FAM227B: variants seen among roughly 807,000 people sequenced by gnomAD.
FAM227B encodes the protein family with sequence similarity 227 member B.
In FAM227B, 88 loss-of-function variants were observed where a neutral mutation model predicts 73.8. The ratio of observed to expected loss-of-function variants is 1.19; its 90% CI spans 1.00 to 1.42. The LOEUF (loss-of-function observed/expected upper bound fraction) is 1.42. Ranked by LOEUF, FAM227B falls within the 40% of genes most tolerant of loss-of-function variation. The probability of loss-of-function intolerance (pLI) is 0.00; values close to 1 mark genes in which losing one functional copy is unlikely to be tolerated. For synonymous variants in FAM227B, 210 were observed against 190.5 expected (o/e 1.10, Z -0.84); for missense variants, 632 against 590.9 (o/e 1.07, Z -0.72).
intron 11 of FAM227B, among the ~76,000 whole-genome samples, chr15:49,415,251 G>T (rs1409182357): frequency 6.6e-6 from 1 of 152,022 alleles, no homozygotes; most frequent in Non-Finnish European, 1.5e-5. Flanking sequence ...ACCAAATAAT[G>T]ACAATTTAGA....
intron 10 of FAM227B, among the ~76,000 whole-genome samples, chr15:49,536,660 T>C (rs571383976): frequency 3.3e-5 from 5 of 152,052 alleles, no homozygotes; most frequent in Admixed American, 2.6e-4. Flanking sequence ...TTTAAAATTA[T>C]ATTAAAAAGC....
chr15:49,457,755 T>C (rs1222032583), intron 11 of FAM227B, among the ~76,000 whole-genome samples: 1 of 151,958 alleles, frequency 6.6e-6, no homozygotes, highest in African/African-American at 2.4e-5. Context: ...TTATTTAGTA[T>C]ATTTAAAATT....
At chr15:49,550,394 CTCCCTCCCGGACGGG>C (rs1185123682) in intron 9 of FAM227B, among the ~76,000 whole-genome samples, 2 of 151,610 alleles carry the variant, frequency 1.3e-5, no homozygotes, top group Non-Finnish European at 2.9e-5. Flanking sequence ...TGACCCCCAC[CTCCCTCCCGGACGGG>C]GTGGCTGCTG....
chr15:49,486,269 T>C (rs2056394351), intron 11 of FAM227B: 1 of 152,056 alleles, frequency 6.6e-6, no homozygotes, highest in South Asian at 2.1e-4. Flanking sequence ...GGTTGACCTA[T>C]ACGACCAGGA....
At chr15:49,502,422 G>A (rs1487719619) in intron 11 of FAM227B, among the ~76,000 whole-genome samples, 1 of 152,254 alleles carries the variant, frequency 6.6e-6, no homozygotes, top group Non-Finnish European at 1.5e-5. Context: ...GGGACATAAA[G>A]TCAAAGGAGG....
intron 3 of FAM227B, among the ~76,000 whole-genome samples, chr15:49,600,597 G>C (rs1207023031): frequency 6.7e-6 from 1 of 150,316 alleles, no homozygotes; most frequent in Non-Finnish European, 1.5e-5. Context: ...AGAGGTTGCA[G>C]TGAGCTGAGA....
chr15:49,513,426 T>A (rs1246353748), intron 10 of FAM227B, among the ~76,000 whole-genome samples: 2 of 152,226 alleles, frequency 1.3e-5, no homozygotes, highest in African/African-American at 4.8e-5. Context: ...TCTCTTCATA[T>A]CCTCTGCCCA....
intron 10 of FAM227B, among the ~76,000 whole-genome samples, chr15:49,527,406 C>T (rs1156623941): frequency 6.6e-6 from 1 of 151,908 alleles, no homozygotes; most frequent in East Asian, 1.9e-4. Flanking sequence ...CAACATCATA[C>T]TAAATGGGAA....
At chr15:49,352,093 C>A (rs1215221404) in intron 13 of FAM227B, among the ~76,000 whole-genome samples, 1 of 152,146 alleles carries the variant, frequency 6.6e-6, no homozygotes, top group East Asian at 1.9e-4. Context: ...CTGATACTTG[C>A]TGTGGCTCAT....
intron 11 of FAM227B, chr15:49,424,396 T>C (rs1490219949): frequency 1.2e-6 from 2 of 1,613,592 alleles, no homozygotes; most frequent in African/African-American, 1.3e-5. Context: ...TAGCTTGCAA[T>C]GACATGACTC....
At chr15:49,417,964 C>G (rs546712867) in intron 11 of FAM227B, among the ~76,000 whole-genome samples, 1 of 152,202 alleles carries the variant, frequency 6.6e-6, no homozygotes, top group South Asian at 2.1e-4. Flanking sequence ...GGAGCTTAAA[C>G]AAATTTATAA....
At chr15:49,375,438 G>A (rs557302835) in intron 11 of FAM227B, among the ~76,000 whole-genome samples, 1 of 151,884 alleles carries the variant, frequency 6.6e-6, no homozygotes, top group Non-Finnish European at 1.5e-5. Context: ...GTATCTCTAA[G>A]GACCAAATCA....
intron 3 of FAM227B, among the ~76,000 whole-genome samples, chr15:49,592,344 A>T (rs8025420): frequency 6.6e-6 from 1 of 151,972 alleles, no homozygotes; most frequent in Non-Finnish European, 1.5e-5. Flanking sequence ...CTACAGAAGA[A>T]GTTTTGGTGT....
At chr15:49,479,776 G>A (rs1164435191) in intron 11 of FAM227B, among the ~76,000 whole-genome samples, 1 of 151,780 alleles carries the variant, frequency 6.6e-6, no homozygotes, top group African/African-American at 2.4e-5. Flanking sequence ...ATCATGCCTG[G>A]CTAATTTTTG....
intron 9 of FAM227B, among the ~76,000 whole-genome samples, chr15:49,561,155 TAAA>T (rs1179125895): frequency 6.6e-6 from 1 of 152,054 alleles, no homozygotes; most frequent in Non-Finnish European, 1.5e-5. Context: ...TAATGACACC[TAAA>T]GTCTCAGGGT....
intron 11 of FAM227B, among the ~76,000 whole-genome samples, chr15:49,445,098 C>A (rs945365749): frequency 6.6e-6 from 1 of 151,506 alleles, no homozygotes; most frequent in Admixed American, 6.6e-5. Context: ...ACTAAAATTT[C>A]ATAATTTAAA....
At chr15:49,519,621 T>A (rs556001003) in intron 10 of FAM227B, among the ~76,000 whole-genome samples, 1 of 151,544 alleles carries the variant, frequency 6.6e-6, no homozygotes, top group East Asian at 2.0e-4. Context: ...GTATTTTGGC[T>A]CCATTTCATC....
chr15:49,470,948 C>T (rs192716158), intron 11 of FAM227B, among the ~76,000 whole-genome samples: 21 of 152,316 alleles, frequency 1.4e-4, no homozygotes, highest in African/African-American at 5.1e-4. Context: ...TGCAGCCCAC[C>T]TGGAACATAT....
intron 9 of FAM227B, among the ~76,000 whole-genome samples, chr15:49,560,523 G>C (rs2074161097): frequency 2.0e-5 from 3 of 151,996 alleles, no homozygotes; most frequent in Non-Finnish European, 4.4e-5. Context: ...AAAAAATCAA[G>C]AGAACACCTG....
Sources: allele counts gnomAD v4.1 joint callset (sites outside exome capture counted in the v4.1 genomes callset), GRCh38; gene constraint gnomAD v4.1.1; transcripts MANE v1.5; gene names NCBI Gene and HGNC (gene_info 2026-07-23, HGNC 2026-07-21).